Variants in MIOX observed in about 807,000 individuals in gnomAD.
MIOX encodes inositol oxygenase.
MIOX carries 51 observed loss-of-function variants against 42.7 expected under a neutral mutation model. The ratio of observed to expected loss-of-function variants is 1.19; its 90% CI spans 0.95 to 1.51. MIOX has a LOEUF of 1.51. Ranked by LOEUF, MIOX falls within the 40% of genes most tolerant of loss-of-function variation. MIOX has a pLI of 0.00. For missense variants in MIOX, 395 were observed against 381.3 expected, an observed-to-expected ratio of 1.04 and a Z score of -0.30; for synonymous variants, 168 against 154.4, an observed-to-expected ratio of 1.09 and a Z score of -0.65.
intron 5 of MIOX, 51 bp downstream of exon 5, chr22:50,488,393 G>GGGTGGAGTGGCCTTGGTGCTTGGC: frequency 6.8e-7 from 1 of 1,475,322 alleles, no homozygotes; most frequent in Middle Eastern, 1.9e-4. Flanking sequence ...GGCAAGGTGG[G>GGGTGGAGTGGCCTTGGTGCTTGGC]GGTGGAGTGG....
Position 50,486,924 on chromosome 22 carries a change from G to T in MIOX, c.15+12G>T. The T allele has an allele frequency of 6.2e-7, 1 of 1,613,690 alleles. No individual in the cohort carries two copies. On this transcript the variant is annotated intron_variant, in intron 1 of 9. Coordinates refer to ENST00000216075, the MANE Select transcript of MIOX (RefSeq NM_017584.6). ...TGAAGGTGACGGTGGTGAGTACCCA[G>T]ACCCCATGCAGAGAGGCTCTGCTGA...
Position 50,490,099 on chromosome 22 carries a change from G to A in MIOX, c.*243G>A, listed in dbSNP as rs2148638032. On this transcript the variant is annotated 3_prime_UTR_variant, in exon 10 of 10. Coordinates refer to ENST00000216075, the MANE Select transcript of MIOX (RefSeq NM_017584.6). ...CAGGGCGTGGCCCAGGCCGAGGGAT[G>A]GTGCCAGCAGGGTGGAGGCCAAGTC... 2 of 544,870 alleles carry A rather than the reference G, an allele frequency of 3.7e-6. No homozygotes were observed. The highest frequency in any genetic ancestry group is 5.0e-4 in the Middle Eastern group (1 of 2,006). 33.8% of individuals were successfully genotyped at this position (544,870 alleles called of 1,614,324 possible).
rs1160344641 is a variant in MIOX, at chr22:50,487,962, A to G, written c.254A>G (p.Asp85Gly). 1 of 1,613,978 alleles carries G rather than the reference A, an allele frequency of 6.2e-7. No individual in the cohort carries two copies. The highest frequency in any genetic ancestry group is 8.5e-7 in the Non-Finnish European group (1 of 1,179,916). ...GTGGACCTGCTGGATGGGCTGGTGG[A>G]TGAGTCGGACCCGGACGTAGATTTC... ...EAVDLLDGLV[D>G]ESDPDVDFPN... The change falls in exon 4 of 10, where the codon GAT becomes GGT. Residue 85 changes from aspartate (D) to glycine (G), a missense_variant. By Grantham distance (94) the Asp-to-Gly change is moderately conservative (BLOSUM62 -1). Coordinates refer to ENST00000216075, the MANE Select transcript of MIOX (RefSeq NM_017584.6).
In MIOX at chr22:50,487,948, G is replaced by C. The variant is rs1175286169; in HGVS notation, c.240G>C (p.Leu80=). The C allele has an allele frequency of 1.2e-6, 2 of 1,613,918 alleles. No individual in the cohort carries two copies. The highest frequency in any genetic ancestry group is 1.7e-6 in the Non-Finnish European group (2 of 1,179,956). Residue 80 remains leucine (L), a synonymous_variant, in exon 4 of 10, where the codon CTG becomes CTC. Coordinates refer to ENST00000216075, the MANE Select transcript of MIOX (RefSeq NM_017584.6). ...CAGTCATGGAGGCCGTGGACCTGCT[G>C]GATGGGCTGGTGGATGAGTCGGACC... The part of the protein sequence containing the change: ...KMTVMEAVDL[L]DGLVDESDPD...
chr22:50,489,090 C>G lies in MIOX; in HGVS notation c.459C>G (p.Ser153=). The G allele has an allele frequency of 6.2e-7, 1 of 1,612,876 alleles. No homozygotes were observed. The highest frequency in any genetic ancestry group is 8.5e-7 in the Non-Finnish European group (1 of 1,179,894). The change falls in exon 6 of 10, where the codon TCC becomes TCG. Residue 153 remains serine (S), a synonymous_variant. Coordinates refer to ENST00000216075, the MANE Select transcript of MIOX (RefSeq NM_017584.6). ...TFPVGCRPQA[S]VVFCDSTFQD... is the part of the protein sequence containing the mutation. ...CCGTCGGATGCCGTCCGCAGGCCTC[C>G]GTGGTTTTCTGCGACTCCACCTTCC...
rs1049083027 is a variant in MIOX, at chr22:50,487,701, C to T, written c.136C>T (p.Leu46Phe). The T allele has an allele frequency of 1.9e-6, 3 of 1,613,878 alleles. No individual in the cohort carries two copies. Among genetic ancestry groups the T allele is most frequent in the Non-Finnish European group, 2.5e-6 (3 of 1,179,988 alleles). Reference protein sequence around the residue: ...LLDRVFTTYKLMHTHQTVDFV... With the variant: ...LLDRVFTTYKFMHTHQTVDFV... Reference sequence around the variant, plus strand: ...GGACCGTGTCTTCACCACCTACAAGCTCATGCACACGCACCAGACAGTGGA... The same window carrying T: ...GGACCGTGTCTTCACCACCTACAAGTTCATGCACACGCACCAGACAGTGGA... The change falls in exon 3 of 10, where the codon CTC becomes TTC. Residue 46 changes from leucine (L) to phenylalanine (F), a missense_variant. Coordinates refer to ENST00000216075, the MANE Select transcript of MIOX (RefSeq NM_017584.6).
rs112424283 is a variant in MIOX, at chr22:50,487,555, G to A, written c.96+90G>A. ...TTCACACAGTTCCAGGGGGTGCCCTGTGGGAACTCCCACCCCCATCACACC... is the reference window on the plus strand; with the variant it reads ...TTCACACAGTTCCAGGGGGTGCCCTATGGGAACTCCCACCCCCATCACACC... On this transcript the variant is annotated intron_variant, in intron 2 of 9. Coordinates refer to ENST00000216075, the MANE Select transcript of MIOX (RefSeq NM_017584.6). 1,373 of 1,540,038 alleles carry A rather than the reference G, an allele frequency of 8.9e-4. No individual in the cohort carries two copies. The Middle Eastern group carries it at 9.2e-3, about 10-fold the overall frequency.
intron 7 of MIOX, 31 bp downstream of exon 7, chr22:50,489,326 G>T: frequency 6.7e-7 from 1 of 1,484,146 alleles, no homozygotes; most frequent in Non-Finnish European, 9.0e-7. Flanking sequence ...TGGGGCGGTG[G>T]GGGGCGGTGG....
Position 50,486,917 on chromosome 22 carries a change from G to C in MIOX, c.15+5G>C. Reference sequence around the variant, plus strand: ...CTCAGGATGAAGGTGACGGTGGTGAGTACCCAGACCCCATGCAGAGAGGCT... The same window carrying C: ...CTCAGGATGAAGGTGACGGTGGTGACTACCCAGACCCCATGCAGAGAGGCT... On this transcript the variant is annotated splice_donor_5th_base_variant and intron_variant, in intron 1 of 9. Transcript: ENST00000216075. The C allele has an allele frequency of 6.2e-7, 1 of 1,613,792 alleles. No individual in the cohort carries two copies. Among genetic ancestry groups the C allele is most frequent in the Non-Finnish European group, 8.5e-7 (1 of 1,179,966 alleles).
At chr22:50,487,625 A>G (rs1184465622) in intron 2 of MIOX, 37 bp from the exon 3 acceptor site, 1 of 1,596,570 alleles carries the variant, frequency 6.3e-7, no homozygotes, top group South Asian at 1.1e-5. Flanking sequence ...CCTCGTGTGC[A>G]GGGTGGGGGT....
rs1399341780 is a variant in MIOX at position 50,490,595 on chromosome 22, G to A, written c.*739G>A. 2.0e-5 allele frequency: 3 copies of A among 152,110 alleles called. No homozygotes were observed. Among genetic ancestry groups the A allele is most frequent in the Admixed American group, 1.3e-4 (2 of 15,266 alleles). The allele number at this position is 152,110 out of a possible 1,614,324, so 9.4% of individuals were successfully genotyped here. Reference sequence around the variant, plus strand: ...ATTGTGCCACTGCACTCCAACCTGGGTATCAAGAGTGAAATTCCATCTCAA... The same window carrying A: ...ATTGTGCCACTGCACTCCAACCTGGATATCAAGAGTGAAATTCCATCTCAA... On this transcript the variant is annotated 3_prime_UTR_variant, in exon 10 of 10. Transcript: ENST00000216075.
Position 50,489,428 on chromosome 22 carries a change from G to T in MIOX, c.618G>T (p.Lys206Asn). ...EYMYQVMKFN[K>N]FSLPPEAFYM... Reference sequence around the variant, plus strand: ...TGTACCAGGTGATGAAGTTTAACAAGTTCTCACTGCCCCCTGAGGTAGGTG... The same window carrying T: ...TGTACCAGGTGATGAAGTTTAACAATTTCTCACTGCCCCCTGAGGTAGGTG... The change falls in exon 8 of 10, where the codon AAG becomes AAT. Residue 206 changes from lysine (K) to asparagine (N), a missense_variant. Coordinates refer to ENST00000216075, the MANE Select transcript of MIOX (RefSeq NM_017584.6). 6.2e-7 allele frequency: 1 copy of T among 1,604,156 alleles called. No homozygotes were observed.
chr22:50,487,969 G>A lies in MIOX; in HGVS notation c.261G>A (p.Ser87=), dbSNP rs746207160. ...TGCTGGATGGGCTGGTGGATGAGTC[G>A]GACCCGGACGTAGATTTCCCCAACT... ...VDLLDGLVDE[S]DPDVDFPNSF... Residue 87 remains serine, a synonymous_variant, in exon 4 of 10, where the codon TCG becomes TCA. Coordinates refer to ENST00000216075, the MANE Select transcript of MIOX (RefSeq NM_017584.6). 32 of 1,613,876 alleles carry A rather than the reference G, an allele frequency of 2.0e-5. No homozygotes were observed. Among genetic ancestry groups the A allele is most frequent in the Non-Finnish European group, 2.4e-5 (28 of 1,179,942 alleles).
chr22:50,488,269 T>C lies in MIOX; in HGVS notation c.341-6T>C, dbSNP rs748688880. On this transcript the variant is annotated splice_polypyrimidine_tract_variant and splice_region_variant and intron_variant, in intron 4 of 9. Transcript: ENST00000216075. ...CCCCAACCTGCCCTGTCCATCCCCC[T>C]CCCAGACTGGTTCCACCTCGTCGGG... The C allele has an allele frequency of 6.2e-7, 1 of 1,613,354 alleles. No individual in the cohort carries two copies. The highest frequency in any genetic ancestry group is 8.5e-7 in the Non-Finnish European group (1 of 1,179,668).
rs940671411 is a variant in MIOX, at chr22:50,489,734, C to T, written c.750-14C>T. 1.1e-5 allele frequency: 18 copies of T among 1,611,012 alleles called. No homozygotes were observed. The highest frequency in any genetic ancestry group is 3.4e-4 in the Middle Eastern group (2 of 5,800). The stretch of plus-strand genomic sequence containing the variant: ...GGGGTTCTTCACGGGGCTCACCGCC[C>T]CTCCCTGCTGCAGCAAGTTCGACCT... On this transcript the variant is annotated splice_polypyrimidine_tract_variant and intron_variant, in intron 9 of 9. Transcript: ENST00000216075.
At chr22:50,487,837 T>A (rs1240944343) in intron 3 of MIOX, 49 bp from the exon 4 acceptor site, 18 of 1,612,044 alleles carry the variant, frequency 1.1e-5, no homozygotes, top group Non-Finnish European at 1.1e-5. Flanking sequence ...GAGGCCTGTG[T>A]GGTGGGCCTG....
Position 50,489,841 on chromosome 22 carries a change from C to T in MIOX, c.843C>T (p.Gly281=). Residue 281 remains glycine (G), a synonymous_variant, in exon 10 of 10, where the codon GGC becomes GGT. Coordinates refer to ENST00000216075, the MANE Select transcript of MIOX (RefSeq NM_017584.6). ...GGCTCATTGACAAGTACTGCCCTGG[C>T]ATCCTGAGCTGGTGACCCTCCTGCC... is the stretch of plus-strand genomic sequence containing the variant. ...YQGLIDKYCP[G]ILSW 1 of 1,610,490 alleles carries T rather than the reference C, an allele frequency of 6.2e-7. No homozygotes were observed.
rs770582605 is a variant in MIOX, at chr22:50,488,016, C to T, written c.308C>T (p.Ala103Val). Residue 103 changes from alanine (A) to valine (V), a missense_variant, in exon 4 of 10, where the codon GCG (alanine) becomes GTG (valine). Ala to Val is a moderately conservative substitution (Grantham distance 64, BLOSUM62 0). Coordinates refer to ENST00000216075, the MANE Select transcript of MIOX (RefSeq NM_017584.6). ...AACTCCTTCCATGCCTTCCAGACAG[C>T]GGAGGGCATCCGGAAGGCCCACCCA... ...FPNSFHAFQT[A>V]EGIRKAHPDK... is the part of the protein sequence containing the mutation. 11 of 1,613,744 alleles carry T rather than the reference C, an allele frequency of 6.8e-6. No homozygotes were observed. Among genetic ancestry groups the T allele is most frequent in the Middle Eastern group, 1.6e-4 (1 of 6,080 alleles).
At chr22:50,487,597 G>A (rs1302608766) in intron 2 of MIOX, 65 bp from the exon 3 acceptor site, 21 of 1,569,442 alleles carry the variant, frequency 1.3e-5, no homozygotes, top group Non-Finnish European at 1.8e-5. Flanking sequence ...GGCTGCCTGG[G>A]AGAGGGGAGG....
Sources: gnomAD v4.1 joint callset for allele counts on GRCh38, gnomAD v4.1.1 for gene constraint, MANE v1.5 for transcripts, NCBI Gene and HGNC (gene_info 2026-07-23, HGNC 2026-07-21) for gene names.